SASH3: variants seen among roughly 807,000 people sequenced by gnomAD.
The protein encoded by SASH3 is SAM and SH3 domain-containing protein 3.
In SASH3, 7 loss-of-function variants were observed where a neutral mutation model predicts 26.1. The observed-to-expected ratio is 0.27, with a 90% CI of 0.15 to 0.50. SASH3 has a LOEUF of 0.50. Among genes scored for constraint, SASH3 ranks in the 20% least tolerant of loss-of-function variants. SASH3 has a pLI of 0.98. For synonymous variants in SASH3, 138 were observed against 136.8 expected, an observed-to-expected ratio of 1.01 and a Z score of -0.06; for missense variants, 231 against 318.3, an observed-to-expected ratio of 0.73 and a Z score of 2.09.
chrX:129,791,165 G>C (rs746124734), intron 4 of SASH3, 84 bp downstream of exon 4: 8 of 1,017,970 alleles, frequency 7.9e-6, no homozygotes, highest in East Asian at 3.1e-5. Context: ...CTGTCTGGGC[G>C]GGGGGTAAGA....
intron 2 of SASH3, 23 bp from the exon 3 acceptor site, chrX:129,788,408 G>A: frequency 8.3e-7 from 1 of 1,210,392 alleles, no homozygotes; most frequent in Non-Finnish European, 1.1e-6. Flanking sequence ...AGGGTCCCTG[G>A]ATCGCCTCTT....
chrX:129,780,733 G>T (rs1602923570), intron 1 of SASH3, among the ~76,000 whole-genome samples: 1 of 113,288 alleles, frequency 8.8e-6, no homozygotes, highest in Middle Eastern at 4.6e-3. Context: ...GGAGATGGGG[G>T]CCTGAGGCCA....
At chrX:129,780,221 T>C (rs975977566) in intron 1 of SASH3, 67 bp downstream of exon 1, 17 of 1,043,559 alleles carry the variant, frequency 1.6e-5, no homozygotes, top group Non-Finnish European at 2.1e-5. Flanking sequence ...CTTCCAAGAC[T>C]CTTGGAAGTG....
At chrX:129,787,952 T>G in intron 1 of SASH3, 23 bp from the exon 2 acceptor site, 2 of 1,186,600 alleles carry the variant, frequency 1.7e-6, no homozygotes, top group Non-Finnish European at 2.3e-6. Context: ...GCCCACTGAT[T>G]GCAACACCCA....
intron 1 of SASH3, among the ~76,000 whole-genome samples, chrX:129,786,396 C>T (rs778026983): frequency 9.0e-6 from 1 of 111,488 alleles, no homozygotes; most frequent in Non-Finnish European, 1.9e-5. Flanking sequence ...GGTGATATTG[C>T]CCCTGCCCTG....
At chrX:129,788,137 G>GGGGGGGGGGTGGT in intron 2 of SASH3, 67 bp downstream of exon 2, 2 of 354,277 alleles carry the variant, frequency 5.6e-6, no homozygotes, top group Non-Finnish European at 5.4e-6. Context: ...GGGTGGGAGG[G>GGGGGGGGGGTGGT]AAGAGGGTGA....
chrX:129,790,902 CA>C (rs777728710), intron 3 of SASH3, 37 bp from the exon 4 acceptor site: 1 of 1,200,119 alleles, frequency 8.3e-7, no homozygotes, highest in Admixed American at 2.2e-5. Context: ...CACACCCCAG[CA>C]AGGCTCCTTA....
intron 7 of SASH3, 21 bp from the exon 8 acceptor site, chrX:129,793,621 T>A: frequency 1.7e-6 from 2 of 1,206,032 alleles, no homozygotes; most frequent in East Asian, 5.9e-5. Context: ...ATATTCTGTC[T>A]CCCTCTCTCG....
chrX:129,792,299 G>A (rs1483119143), intron 4 of SASH3, 29 bp from the exon 5 acceptor site: 1 of 1,185,714 alleles, frequency 8.4e-7, no homozygotes, highest in African/African-American at 1.7e-5. Flanking sequence ...GGACAAAGGT[G>A]AGCCTCCTCC....
In SASH3 at chrX:129,788,412, G is replaced by A. The variant is rs370279222; in HGVS notation, c.154-19G>A. On this transcript the variant is annotated intron_variant, in intron 2 of 7. Transcript: ENST00000356892. Reference sequence around the variant, plus strand: ...GCAGGACCACCAGGGTCCCTGGATCGCCTCTTTTGTTGTCACAGATTCCAG... The same window carrying A: ...GCAGGACCACCAGGGTCCCTGGATCACCTCTTTTGTTGTCACAGATTCCAG... 1.0e-4 allele frequency: 122 copies of A among 1,208,573 alleles called. No homozygotes were observed. The highest frequency in any genetic ancestry group is 2.4e-4 in the Middle Eastern group (1 of 4,222).
chrX:129,787,975 C>G lies in SASH3; in HGVS notation c.58C>G (p.Leu20Val). Residue 20 changes from leucine (L) to valine (V), a missense_variant and splice_region_variant, in exon 2 of 8, where the codon CTC becomes GTC. Leu to Val is a conservative substitution (Grantham distance 32, BLOSUM62 1). Transcript: ENST00000356892. Reference sequence around the variant, plus strand: ...ATTGCAACACCCACCCTTTTTCCAGCTCTCCCTTCAGCGCTCCAGCAGCTT... The same window carrying G: ...ATTGCAACACCCACCCTTTTTCCAGGTCTCCCTTCAGCGCTCCAGCAGCTT... Reference protein sequence around the residue: ...SEKEPTQKKKLSLQRSSSFKD... With the variant: ...SEKEPTQKKKVSLQRSSSFKD... 8.3e-7 allele frequency: 1 copy of G among 1,208,459 alleles called. No individual in the cohort carries two copies. Among genetic ancestry groups the G allele is most frequent in the Non-Finnish European group, 1.1e-6 (1 of 892,865 alleles).
intron 3 of SASH3, among the ~76,000 whole-genome samples, chrX:129,790,616 C>T (rs1927212795): frequency 9.0e-6 from 1 of 111,202 alleles, no homozygotes; most frequent in Non-Finnish European, 1.9e-5. Flanking sequence ...ATTGTCTGCC[C>T]AGTTGTGCGG....
At chrX:129,788,137 G>GGGGTCGGT in intron 2 of SASH3, 67 bp downstream of exon 2, 1 of 354,277 alleles carries the variant, frequency 2.8e-6, no homozygotes. Context: ...GGGTGGGAGG[G>GGGGTCGGT]AAGAGGGTGA....
Position 129,780,090 on chromosome X carries a change from G to A in SASH3, c.-8G>A. On this transcript the variant is annotated 5_prime_UTR_variant, in exon 1 of 8. Transcript: ENST00000356892. ...GAGCAGGGACGGAGTCTCCCAGGGT[G>A]GAGGACCATGCTGCGCCGCAAGCCC... 1 of 1,210,622 alleles carries A rather than the reference G, an allele frequency of 8.3e-7. No homozygotes were observed. Among genetic ancestry groups the A allele is most frequent in the South Asian group, 1.8e-5 (1 of 56,943 alleles).
intron 1 of SASH3, among the ~76,000 whole-genome samples, chrX:129,782,597 A>C (rs1927038004): frequency 8.9e-6 from 1 of 112,389 alleles, no homozygotes; most frequent in African/African-American, 3.2e-5. Context: ...GCAGGGATCC[A>C]AGCCAAGATT....
intron 1 of SASH3, among the ~76,000 whole-genome samples, chrX:129,781,286 A>G (rs184464987): frequency 1.8e-5 from 2 of 111,752 alleles, no homozygotes; most frequent in African/African-American, 6.5e-5. Flanking sequence ...TGGGGTGTGC[A>G]TCCTGCCCCA....
Position 129,788,542 on chromosome X carries a change from G to A in SASH3, c.265G>A (p.Gly89Ser). The A allele has an allele frequency of 1.7e-6, 2 of 1,212,108 alleles. No individual in the cohort carries two copies. Among genetic ancestry groups the A allele is most frequent in the Non-Finnish European group, 2.2e-6 (2 of 895,522 alleles). Residue 89 changes from glycine (G) to serine (S), a missense_variant, in exon 3 of 8, where the codon GGC (glycine) becomes AGC (serine). Transcript: ENST00000356892. ...VISRTMNRKM[G>S]KMMVKALSEE... ...TTCCCGAACCATGAACAGGAAGATG[G>A]GCAAGATGATGGTGAAGGCCCTGTC...
At chrX:129,793,163 G>C (rs758674207) in intron 7 of SASH3, 24 bp downstream of exon 7, 1 of 1,210,656 alleles carries the variant, frequency 8.3e-7, no homozygotes, top group Non-Finnish European at 1.1e-6. Flanking sequence ...GGAGCGGCCT[G>C]GTGAGGGTGT....
At chrX:129,785,063 T>A (rs1392160332) in intron 1 of SASH3, among the ~76,000 whole-genome samples, 3 of 110,410 alleles carry the variant, frequency 2.7e-5, no homozygotes, top group Non-Finnish European at 3.8e-5. Context: ...ATTTCAAATG[T>A]AATATACAAT....
Sources: allele counts gnomAD v4.1 joint callset (sites outside exome capture counted in the v4.1 genomes callset), GRCh38; gene constraint gnomAD v4.1.1; transcripts MANE v1.5; gene names NCBI Gene and HGNC (gene_info 2026-07-23, HGNC 2026-07-21).